Variants in NEBL observed in about 807,000 individuals in gnomAD.
NEBL encodes nebulette.
NEBL carries 122 observed loss-of-function variants against 140.2 expected under a neutral mutation model. That is an observed-to-expected ratio of 0.87 (90% confidence interval 0.75 to 1.01). The LOEUF (loss-of-function observed/expected upper bound fraction) is 1.01. NEBL is among the 50% of genes least tolerant of loss of function. NEBL has a pLI of 0.00. For synonymous variants in NEBL, 436 were observed against 398.9 expected (o/e 1.09, Z -1.11); for missense variants, 1,365 against 1,231.3 (o/e 1.11, Z -1.62).
rs900509905 is a variant in NEBL at position 20,915,887 on chromosome 10, A to C, written c.357+45785T>G. ...TTTAAACTTTTGAATTGGATCTGCA[A>C]GCTAACCAAACATTTATATCCAGGT... is the stretch of plus-strand genomic sequence containing the variant. On this transcript the variant is annotated intron_variant, in intron 4 of 6. Transcript: ENST00000417816. Among the ~76,000 whole-genome samples, 2 of 152,354 alleles carry C rather than the reference A, an allele frequency of 1.3e-5. 1 individual carries two copies.
chr10:20,819,714 TTTG>T (rs143964236), intron 19 of NEBL, among the ~76,000 whole-genome samples, 198 bp from the exon 20 acceptor site: 6 of 151,896 alleles, frequency 4.0e-5, no homozygotes, highest in African/African-American at 1.2e-4. Flanking sequence ...GTCAAGTGGT[TTTG>T]TTGTTGTTGT....
chr10:21,244,750 C>G (rs1302797358), intron 3 of NEBL, among the ~76,000 whole-genome samples: 1 of 151,958 alleles, frequency 6.6e-6, no homozygotes, highest in Non-Finnish European at 1.5e-5. Context: ...TGGCACACAA[C>G]TGTAGTCCCA....
intron 3 of NEBL, among the ~76,000 whole-genome samples, chr10:21,002,259 A>T (rs143770179): frequency 6.6e-6 from 1 of 152,210 alleles, no homozygotes; most frequent in East Asian, 1.9e-4. Flanking sequence ...ATTCCTAAAT[A>T]ATTGTAGCAG....
chr10:20,831,473 C>A lies in NEBL; in HGVS notation c.1560G>T (p.Gln520His). The A allele has an allele frequency of 6.2e-7, 1 of 1,601,096 alleles. No homozygotes were observed. The highest frequency in any genetic ancestry group is 8.6e-7 in the Non-Finnish European group (1 of 1,169,288). ...RAKKASEMAS[Q>H]KQYKKDLENE... ...ACTTTGTATCTTGCTGCTGTCTTAC[C>A]TGGCTGGCCATCTCGGATGCTTTCT... Residue 520 changes from glutamine to histidine, a missense_variant and splice_region_variant, in exon 15 of 28, where the codon CAG becomes CAT. Physicochemically the swap from Gln to His is conservative, Grantham distance 24. Coordinates refer to ENST00000377122, the MANE Select transcript of NEBL (RefSeq NM_006393.3).
In NEBL at chr10:20,795,296, G is replaced by A. The variant is rs147076965; in HGVS notation, c.2762-7988C>T. On this transcript the variant is annotated intron_variant, in intron 26 of 27. Transcript: ENST00000377122. ...CACAGGATATGTGCCAGCCAGGCTTGTTAGGCTCATAGAGGTTACTCTATT... is the reference window on the plus strand; with the variant it reads ...CACAGGATATGTGCCAGCCAGGCTTATTAGGCTCATAGAGGTTACTCTATT... 4.8e-3 allele frequency among the ~76,000 whole-genome samples: 726 copies of A among 152,266 alleles called. 8 individuals are homozygous for A. The highest frequency in any genetic ancestry group is 0.017 in the African/African-American group (706 of 41,542).
intron 4 of NEBL, among the ~76,000 whole-genome samples, chr10:20,936,451 T>C (rs1360805740): frequency 1.3e-5 from 2 of 152,232 alleles, no homozygotes; most frequent in Non-Finnish European, 2.9e-5. Context: ...GAAATCTGTA[T>C]AAGCAGAATC....
At chr10:20,919,364 G>A (rs1388597327) in intron 4 of NEBL, among the ~76,000 whole-genome samples, 1 of 152,130 alleles carries the variant, frequency 6.6e-6, no homozygotes, top group African/African-American at 2.4e-5. Flanking sequence ...GAAGAATAAG[G>A]GTAGCCCATT....
chr10:21,052,273 T>C (rs1022278461), intron 2 of NEBL, among the ~76,000 whole-genome samples: 27 of 152,180 alleles, frequency 1.8e-4, no homozygotes, highest in African/African-American at 6.0e-4. Flanking sequence ...GAGTCAACAC[T>C]GGGAAGAGAG....
At chr10:20,938,110 G>C (rs1334737603) in intron 4 of NEBL, among the ~76,000 whole-genome samples, 4 of 152,210 alleles carry the variant, frequency 2.6e-5, no homozygotes, top group Admixed American at 1.3e-4. Flanking sequence ...CCAGCACACA[G>C]CTGGAGATCT....
At chr10:20,912,822 C>G (rs1194956483) in intron 4 of NEBL, among the ~76,000 whole-genome samples, 1 of 151,322 alleles carries the variant, frequency 6.6e-6, no homozygotes, top group East Asian at 1.9e-4. Flanking sequence ...ATCTTTACTC[C>G]TTCACTTTCC....
intron 16 of NEBL, among the ~76,000 whole-genome samples, chr10:20,830,799 C>A (rs1840327002): frequency 6.6e-6 from 1 of 150,712 alleles, no homozygotes. Flanking sequence ...TGGCTCATGC[C>A]CACTGAGGCA....
rs187815558 is a variant in NEBL at position 20,860,499 on chromosome 10, A to G, written c.685-673T>C. On this transcript the variant is annotated intron_variant, in intron 7 of 27. Transcript: ENST00000377122. Reference sequence around the variant, plus strand: ...ATTTGGTAGGACTATATTTTTCTCCATGTATAGAGAAATATGAGAATGCAT... The same window carrying G: ...ATTTGGTAGGACTATATTTTTCTCCGTGTATAGAGAAATATGAGAATGCAT... 1.4e-4 allele frequency among the ~76,000 whole-genome samples: 20 copies of G among 141,190 alleles called. No homozygotes were observed. The East Asian group carries it at 4.2e-3, about 30-fold the overall frequency. The allele number at this position is 141,190 out of a possible 152,430, so 92.6% of individuals were successfully genotyped here. A position where few individuals can be genotyped will look rare whatever the true frequency, so the allele number is the denominator to read the frequency against.
intron 3 of NEBL, among the ~76,000 whole-genome samples, chr10:20,971,630 T>C (rs1016951473): frequency 1.4e-5 from 2 of 143,076 alleles, no homozygotes; most frequent in Non-Finnish European, 3.0e-5. Flanking sequence ...TTTTTTTTTT[T>C]TGAGATGGAG....
At chr10:20,880,732 A>G (rs1845940480) in intron 5 of NEBL, 62 bp downstream of exon 5, 1 of 1,211,290 alleles carries the variant, frequency 8.3e-7, no homozygotes, top group Non-Finnish European at 1.2e-6. Context: ...CAAAATAAAC[A>G]TAAGCCCTAA....
intron 22 of NEBL, 125 bp from the exon 23 acceptor site, chr10:20,814,168 T>C (rs1203822504): frequency 2.8e-6 from 2 of 722,132 alleles, no homozygotes; most frequent in Non-Finnish European, 4.9e-6. Context: ...ACTATTTCAG[T>C]GAATTAAATT....
chr10:20,941,394 T>C (rs1161868413), intron 4 of NEBL, among the ~76,000 whole-genome samples: 2 of 152,172 alleles, frequency 1.3e-5, no homozygotes, highest in East Asian at 3.9e-4. Context: ...ACCTTCATGC[T>C]AAAAACTCTC....
chr10:21,110,622 G>A (rs1837955081), intron 2 of NEBL: 1 of 360,544 alleles, frequency 2.8e-6, no homozygotes, highest in African/African-American at 2.1e-5. Flanking sequence ...CTCTTCTCTG[G>A]AGCAGTAATC....
chr10:20,783,099 A>G lies in NEBL; in HGVS notation c.*2648T>C, dbSNP rs1011403792. ...AAAATCTTCTTTAGCTGTCAGCTTC[A>G]TGCACGAGATACCTGTTGCCAAACC... On this transcript the variant is annotated 3_prime_UTR_variant, in exon 28 of 28. Transcript: ENST00000377122. The G allele has an allele frequency of 1.3e-5, 2 of 152,640 alleles. No individual in the cohort carries two copies. Among genetic ancestry groups the G allele is most frequent in the Non-Finnish European group, 2.9e-5 (2 of 68,046 alleles). 9.5% of individuals were successfully genotyped at this position (152,640 alleles called of 1,614,324 possible). A position where few individuals can be genotyped will look rare whatever the true frequency, so the allele number is the denominator to read the frequency against.
At chr10:21,196,819 A>G (rs907930313) in intron 3 of NEBL, among the ~76,000 whole-genome samples, 3 of 152,232 alleles carry the variant, frequency 2.0e-5, no homozygotes, top group Non-Finnish European at 4.4e-5. Flanking sequence ...ACTTTGACCC[A>G]GTCTATGTCA....
Sources: gnomAD v4.1 joint callset for allele counts (sites outside exome capture counted in the v4.1 genomes callset) on GRCh38, gnomAD v4.1.1 for gene constraint, MANE v1.5 for transcripts, NCBI Gene and HGNC (gene_info 2026-07-23, HGNC 2026-07-21) for gene names.